The following HDGFL3 variants were observed in gnomAD, a reference collection of about 807,000 sequenced individuals.
The protein encoded by HDGFL3 is hepatoma-derived growth factor-related protein 3.
HDGFL3 carries 6 observed loss-of-function variants against 27.6 expected under a neutral mutation model. The observed-to-expected ratio is 0.22, with a 90% CI of 0.12 to 0.43. The LOEUF (loss-of-function observed/expected upper bound fraction) is 0.43, where lower values mean the gene tolerates loss of function less well. HDGFL3 is among the 20% of genes least tolerant of loss of function. The pLI is 1.00. For synonymous variants in HDGFL3, 88 were observed against 88.9 expected, an observed-to-expected ratio of 0.99 and a Z score of 0.05; for missense variants, 207 against 250.1, an observed-to-expected ratio of 0.83 and a Z score of 1.16.
At position 83,196,152 on chromosome 15, in the gene HDGFL3, A is replaced by C. The variant is rs370626676; in HGVS notation, c.84+11179T>G. On this transcript the variant is annotated intron_variant, in intron 1 of 5. Transcript: ENST00000299633. ...AGAGAGTAGTTGACAAAAAATAAAC[A>C]TTAAGAATTTTAAAAAATATATTAG... Among the ~76,000 whole-genome samples the C allele has an allele frequency of 5.3e-5, 8 of 151,850 alleles. No homozygotes were observed. In the East Asian group the frequency reaches 1.2e-3, roughly 22 times the overall value.
chr15:83,112,783 T>C, exon 4 of HDGFL3: 1 of 1,597,028 alleles, frequency 6.3e-7, no homozygotes. Context: ...ACCTCCCTGT[T>C]CTGGTCGTTG....
At chr15:83,186,132 A>T (rs1279152332) in intron 1 of HDGFL3, 2 of 152,308 alleles carry the variant, frequency 1.3e-5, no homozygotes, top group African/African-American at 4.8e-5. Flanking sequence ...CCCTTGTGGG[A>T]GACCCAGAGC....
intron 4 of HDGFL3, among the ~76,000 whole-genome samples, chr15:83,152,798 A>G (rs1435195097): frequency 6.6e-6 from 1 of 152,034 alleles, no homozygotes; most frequent in Non-Finnish European, 1.5e-5. Context: ...CCAAAATGTC[A>G]GTTTAAAATG....
At chr15:83,167,682 T>TAA (rs1267631601) in intron 1 of HDGFL3, among the ~76,000 whole-genome samples, 1 of 151,340 alleles carries the variant, frequency 6.6e-6, no homozygotes, top group African/African-American at 2.4e-5. Flanking sequence ...ATTCGTAAAA[T>TAA]AAGTACTTCC....
At chr15:83,186,825 G>A (rs978120706) in intron 1 of HDGFL3, among the ~76,000 whole-genome samples, 5 of 151,990 alleles carry the variant, frequency 3.3e-5, no homozygotes, top group South Asian at 2.1e-4. Flanking sequence ...AGACTTTACC[G>A]CAATATAATG....
At position 83,131,887 on chromosome 15, in the gene HDGFL3, G is replaced by A. The variant is rs2036279500; in HGVS notation, c.*7383C>T. 1 of 152,134 alleles carries A rather than the reference G, an allele frequency of 6.6e-6. No homozygotes were observed. The highest frequency in any genetic ancestry group is 2.4e-5 in the African/African-American group (1 of 41,428). 9.4% of individuals were successfully genotyped at this position (152,134 alleles called of 1,614,324 possible). A position where few individuals can be genotyped will look rare whatever the true frequency, so the allele number is the denominator to read the frequency against. ...TGTAATCTGAAAGGCATTATAGGCT[G>A]CTTAGATCCACTTATTAGCATTTCC... On this transcript the variant is annotated 3_prime_UTR_variant, in exon 6 of 6. Transcript: ENST00000299633.
At chr15:83,180,480 T>C (rs780340002) in intron 1 of HDGFL3, among the ~76,000 whole-genome samples, 4 of 151,952 alleles carry the variant, frequency 2.6e-5, no homozygotes, top group Non-Finnish European at 5.9e-5. Context: ...GATGTTGTTA[T>C]AAAAATGGAT....
At chr15:83,187,031 T>G (rs1183800857) in intron 1 of HDGFL3, among the ~76,000 whole-genome samples, 1 of 152,234 alleles carries the variant, frequency 6.6e-6, no homozygotes, top group African/African-American at 2.4e-5. Context: ...ATTAGCATTT[T>G]ACTTTAAAAA....
At chr15:83,119,499 T>C in intron 3 of HDGFL3, 1 of 1,406,888 alleles carries the variant, frequency 7.1e-7, no homozygotes, top group Non-Finnish European at 9.9e-7. Flanking sequence ...TGCTGTTTTA[T>C]TTTACTTGCA....
intron 1 of HDGFL3, among the ~76,000 whole-genome samples, chr15:83,201,257 T>C (rs1233273745): frequency 6.6e-6 from 1 of 151,668 alleles, no homozygotes; most frequent in Non-Finnish European, 1.5e-5. Context: ...ATGAGAAAAA[T>C]AAAGACATAC....
chr15:83,152,908 C>T (rs900596390), intron 4 of HDGFL3, among the ~76,000 whole-genome samples: 2 of 150,892 alleles, frequency 1.3e-5, no homozygotes, highest in African/African-American at 4.9e-5. Context: ...AAGTGAAACA[C>T]TTTCTCTTTA....
intron 3 of HDGFL3, chr15:83,119,586 G>T: frequency 6.2e-7 from 1 of 1,614,068 alleles, no homozygotes; most frequent in South Asian, 1.1e-5. Context: ...AGGGTGAACC[G>T]TATCTGAACA....
At chr15:83,190,121 A>G (rs1326740645) in intron 1 of HDGFL3, among the ~76,000 whole-genome samples, 1 of 151,526 alleles carries the variant, frequency 6.6e-6, no homozygotes, top group African/African-American at 2.4e-5. Context: ...GTCTGCGGTA[A>G]GAGGATTGCT....
chr15:83,145,738 T>G (rs1430305655), intron 5 of HDGFL3, among the ~76,000 whole-genome samples: 1 of 152,016 alleles, frequency 6.6e-6, no homozygotes, highest in Non-Finnish European at 1.5e-5. Flanking sequence ...TTCCTGTGAT[T>G]TCAATATCCA....
At chr15:83,140,773 G>A (rs752023929) in intron 5 of HDGFL3, among the ~76,000 whole-genome samples, 12 of 152,088 alleles carry the variant, frequency 7.9e-5, no homozygotes, top group Admixed American at 3.9e-4. Flanking sequence ...GTGAGCCACC[G>A]TGCCTGGCCG....
At chr15:83,154,219 C>T (rs2151400592) in intron 4 of HDGFL3, among the ~76,000 whole-genome samples, 1 of 151,374 alleles carries the variant, frequency 6.6e-6, no homozygotes, top group South Asian at 2.1e-4. Flanking sequence ...GCCCGTGGTC[C>T]CAGCTACTGG....
At chr15:83,183,500 C>T (rs1671477227) in intron 1 of HDGFL3, among the ~76,000 whole-genome samples, 1 of 152,138 alleles carries the variant, frequency 6.6e-6, no homozygotes, top group Non-Finnish European at 1.5e-5. Context: ...GTGGCTCACA[C>T]CTGTAATCCC....
chr15:83,121,754 G>A (rs901476758), intron 3 of HDGFL3, among the ~76,000 whole-genome samples: 4 of 152,212 alleles, frequency 2.6e-5, no homozygotes, highest in African/African-American at 7.2e-5. Flanking sequence ...TGGCAATGAA[G>A]TTACATAACC....
intron 4 of HDGFL3, among the ~76,000 whole-genome samples, chr15:83,154,143 G>A (rs1317200373): frequency 6.0e-5 from 9 of 150,676 alleles, no homozygotes; most frequent in African/African-American, 9.8e-5. Context: ...GATAAAATCC[G>A]GTCTCTACTG....
Sources: gnomAD v4.1 joint callset for allele counts (sites outside exome capture counted in the v4.1 genomes callset) on GRCh38, gnomAD v4.1.1 for gene constraint, MANE v1.5 for transcripts, NCBI Gene and HGNC (gene_info 2026-07-23, HGNC 2026-07-21) for gene names.